Variants in PLSCR5 observed in about 807,000 individuals in gnomAD.
PLSCR5 encodes the protein phospholipid scramblase family, member 5.
PLSCR5 carries 44 observed loss-of-function variants against 33.6 expected under a neutral mutation model. The observed-to-expected ratio is 1.31, with a 90% CI of 1.03 to 1.69. The LOEUF (loss-of-function observed/expected upper bound fraction) is 1.69, where lower values mean the gene tolerates loss of function less well. Ranked by LOEUF, PLSCR5 falls within the 40% of genes most tolerant of loss-of-function variation. PLSCR5 has a pLI of 0.00. For synonymous variants in PLSCR5, 148 were observed against 112.3 expected, an observed-to-expected ratio of 1.32 and a Z score of -2.01; for missense variants, 375 against 318.7, an observed-to-expected ratio of 1.18 and a Z score of -1.34.
intron 1 of PLSCR5, among the ~76,000 whole-genome samples, chr3:146,601,646 T>A (rs1181034840): frequency 6.6e-6 from 1 of 152,158 alleles, no homozygotes; most frequent in Non-Finnish European, 1.5e-5. Context: ...AAGATTTGAA[T>A]AAGTATTCTC....
chr3:146,591,647 TA>T (rs1226177902), intron 5 of PLSCR5, 72 bp downstream of exon 5: 9 of 1,424,100 alleles, frequency 6.3e-6, no homozygotes, highest in Middle Eastern at 1.8e-4. Flanking sequence ...AATTTGAACA[TA>T]AAAAAATTGA....
At chr3:146,583,929 A>G (rs771690185), downstream of PLSCR5, among the ~76,000 whole-genome samples, 3 of 152,222 alleles carry the variant, frequency 2.0e-5, no homozygotes, top group Non-Finnish European at 4.4e-5. Flanking sequence ...GACATCAGTT[A>G]TAAAAATCTT....
At chr3:146,581,160 A>G (rs996203161), downstream of PLSCR5, among the ~76,000 whole-genome samples, 1 of 152,208 alleles carries the variant, frequency 6.6e-6, no homozygotes, top group Non-Finnish European at 1.5e-5. Context: ...TTACATAGCT[A>G]AAGTCAATAC....
At chr3:146,590,998 T>G (rs1054475836) in intron 5 of PLSCR5, among the ~76,000 whole-genome samples, 3 of 19,360 alleles carry the variant, frequency 1.5e-4, no homozygotes, top group Non-Finnish European at 2.1e-4. Flanking sequence ...TTTTTTTTTG[T>G]TTTTTTTTTT....
intron 4 of PLSCR5, 52 bp from the exon 5 acceptor site, chr3:146,591,933 A>T (rs2044719740): frequency 1.4e-6 from 2 of 1,407,146 alleles, no homozygotes; most frequent in Admixed American, 5.1e-5. Context: ...ATCATATTTT[A>T]ATTTTACTAT....
rs201976104 is a variant in PLSCR5, at chr3:146,595,605, T to TA, written c.190-523dup. Among the ~76,000 whole-genome samples, 518 of 150,428 alleles carry TA rather than the reference T, an allele frequency of 3.4e-3. 2 individuals are homozygous for TA. Among genetic ancestry groups the TA allele is most frequent in the African/African-American group, 0.011 (434 of 40,998 alleles). The stretch of plus-strand genomic sequence containing the variant: ...CCCAGAGGGGAGACTCTGTCTCAAT[T>TA]AAAAAAAAAGAAAAAGAAAGAAAAA... On this transcript the variant is annotated intron_variant, in intron 2 of 7. Transcript: ENST00000443512.
At chr3:146,597,954 T>C (rs958790541) in intron 2 of PLSCR5, among the ~76,000 whole-genome samples, 1 of 152,146 alleles carries the variant, frequency 6.6e-6, no homozygotes, top group African/African-American at 2.4e-5. Context: ...ACTATAATAA[T>C]TATTCTTTGA....
chr3:146,586,590 T>C (rs1024724723), intron 6 of PLSCR5, among the ~76,000 whole-genome samples: 1 of 152,160 alleles, frequency 6.6e-6, no homozygotes, highest in Admixed American at 6.6e-5. Flanking sequence ...AAATTAGATA[T>C]ATTACCAGAG....
At chr3:146,583,712 G>T (rs1560105100), downstream of PLSCR5, among the ~76,000 whole-genome samples, 1 of 152,166 alleles carries the variant, frequency 6.6e-6, no homozygotes, top group African/African-American at 2.4e-5. Context: ...ATTTTTAAAT[G>T]AGTGATATAT....
rs2044663357 is a variant in PLSCR5, at chr3:146,586,043, G to A, written c.*31C>T. ...CTTTTTACTTACTGAAATATGTTCT[G>A]CATATTTTATTGTTTTCATTATCTT... On this transcript the variant is annotated 3_prime_UTR_variant, in exon 7 of 8. Transcript: ENST00000443512. 4.8e-6 allele frequency: 7 copies of A among 1,468,852 alleles called. No homozygotes were observed. The highest frequency in any genetic ancestry group is 2.7e-5 in the Admixed American group (1 of 36,776). The allele number at this position is 1,468,852 out of a possible 1,614,324, so 91.0% of individuals were successfully genotyped here.
At chr3:146,600,191 G>A in intron 2 of PLSCR5, 97 bp downstream of exon 2, 1 of 933,760 alleles carries the variant, frequency 1.1e-6, no homozygotes, top group Non-Finnish European at 1.4e-6. Flanking sequence ...GTAAATTATT[G>A]GTTAAATTCT....
At chr3:146,579,973 C>G (rs908723726) in intron 7 of PLSCR5, among the ~76,000 whole-genome samples, 8 of 152,222 alleles carry the variant, frequency 5.3e-5, no homozygotes, top group Non-Finnish European at 8.8e-5. Context: ...TTGGAATGTT[C>G]TCCCAGCCAA....
chr3:146,589,808 T>C lies in PLSCR5; in HGVS notation c.622A>G (p.Thr208Ala). The C allele has an allele frequency of 1.3e-6, 2 of 1,530,660 alleles. No homozygotes were observed. The highest frequency in any genetic ancestry group is 1.8e-6 in the Non-Finnish European group (2 of 1,122,880). 94.8% of individuals were successfully genotyped at this position (1,530,660 alleles called of 1,614,324 possible). ...CFGDVDFEVK[T>A]INEKLTIGKI... is the part of the protein sequence containing the mutation. ...CCAATTGTAAGCTTTTCATTAATGG[T>C]TTTCACCTTTAGAAAGAAAATAAGG... is the stretch of plus-strand genomic sequence containing the variant. The change falls in exon 6 of 8, where the codon ACC becomes GCC. Residue 208 changes from threonine to alanine, a missense_variant. Thr to Ala is a moderately conservative substitution (Grantham distance 58, BLOSUM62 0). Coordinates refer to ENST00000443512, the MANE Select transcript of PLSCR5 (RefSeq NM_001085420.2).
intron 7 of PLSCR5, among the ~76,000 whole-genome samples, chr3:146,578,031 A>G (rs565615642): frequency 2.6e-5 from 4 of 152,142 alleles, no homozygotes; most frequent in Non-Finnish European, 5.9e-5. Flanking sequence ...AGTTTAAAAC[A>G]TTCAATGTAC....
intron 6 of PLSCR5, among the ~76,000 whole-genome samples, chr3:146,588,354 C>G (rs985759644): frequency 4.1e-4 from 62 of 152,136 alleles, no homozygotes; most frequent in African/African-American, 1.5e-3. Context: ...GCCTGTAATC[C>G]CAGCTACTCG....
At chr3:146,577,514 T>A (rs2044606538) in intron 7 of PLSCR5, among the ~76,000 whole-genome samples, 1 of 152,166 alleles carries the variant, frequency 6.6e-6, no homozygotes, top group Admixed American at 6.6e-5. Context: ...CTACTTTCAA[T>A]TATATGCTTG....
At chr3:146,600,554 G>C (rs1312936636) in intron 1 of PLSCR5, 91 bp from the exon 2 acceptor site, 1 of 1,180,560 alleles carries the variant, frequency 8.5e-7, no homozygotes, top group East Asian at 3.0e-5. Context: ...TGATTGATAG[G>C]ATAGTTTATC....
At chr3:146,582,711 T>A (rs1273907838), downstream of PLSCR5, among the ~76,000 whole-genome samples, 1 of 152,168 alleles carries the variant, frequency 6.6e-6, no homozygotes, top group Non-Finnish European at 1.5e-5. Flanking sequence ...ATAAATCTAA[T>A]GAAAGGCCAC....
At chr3:146,582,176 G>A (rs953211050), downstream of PLSCR5, among the ~76,000 whole-genome samples, 4 of 152,160 alleles carry the variant, frequency 2.6e-5, no homozygotes, top group African/African-American at 9.7e-5. Flanking sequence ...AGTCAGTTAG[G>A]GTGGGTCCTG....
Sources: allele counts gnomAD v4.1 joint callset (sites outside exome capture counted in the v4.1 genomes callset), GRCh38; gene constraint gnomAD v4.1.1; transcripts MANE v1.5; gene names NCBI Gene and HGNC (gene_info 2026-07-23, HGNC 2026-07-21).